The following SYN3 variants were observed in gnomAD, a reference collection of about 807,000 sequenced individuals.
SYN3 encodes the protein synapsin-3.
Under a neutral mutation model 65.8 loss-of-function variants are expected in SYN3, and 35 were observed. The ratio of observed to expected loss-of-function variants is 0.53; its 90% CI spans 0.41 to 0.70. The LOEUF is 0.70. Among genes scored for constraint, SYN3 ranks in the 30% least tolerant of loss-of-function variants. The pLI is 0.00. For synonymous variants in SYN3, 270 were observed against 292.9 expected, an observed-to-expected ratio of 0.92 and a Z score of 0.80; for missense variants, 680 against 749.0, an observed-to-expected ratio of 0.91 and a Z score of 1.08.
intron 6 of SYN3, among the ~76,000 whole-genome samples, chr22:32,645,598 G>T (rs1294453114): frequency 1.3e-5 from 2 of 152,186 alleles, no homozygotes; most frequent in Admixed American, 1.3e-4. Flanking sequence ...TTTCTGAAAC[G>T]TTAATTGGTA....
intron 6 of SYN3, among the ~76,000 whole-genome samples, chr22:32,770,420 C>G (rs2145769922): frequency 6.6e-6 from 1 of 152,270 alleles, no homozygotes; most frequent in South Asian, 2.1e-4. Context: ...CCTGTGTGAT[C>G]TGCTCTTCCC....
chr22:33,056,516 C>T (rs1421028689), intron 1 of SYN3, among the ~76,000 whole-genome samples: 1 of 152,184 alleles, frequency 6.6e-6, no homozygotes. Context: ...CAGCCTGCAC[C>T]CACTGGCTGA....
intron 6 of SYN3, among the ~76,000 whole-genome samples, chr22:32,671,578 TGC>T (rs2060366060): frequency 2.0e-5 from 2 of 99,224 alleles, no homozygotes; most frequent in Non-Finnish European, 4.9e-5. Context: ...CTCAAACAAG[TGC>T]ACACACACAC....
chr22:32,960,684 C>T (rs5998670), intron 3 of SYN3, among the ~76,000 whole-genome samples: 11 of 152,368 alleles, frequency 7.2e-5, no homozygotes, highest in African/African-American at 2.6e-4. Flanking sequence ...GGACTTTCGA[C>T]AGGTGTCAGG....
intron 6 of SYN3, among the ~76,000 whole-genome samples, chr22:32,649,807 G>A (rs543106145): frequency 1.3e-5 from 2 of 152,288 alleles, no homozygotes; most frequent in South Asian, 2.1e-4. Context: ...GGGACAGGGC[G>A]GTAACATTAG....
At chr22:32,670,100 G>T (rs2147058241) in intron 6 of SYN3, among the ~76,000 whole-genome samples, 1 of 152,182 alleles carries the variant, frequency 6.6e-6, no homozygotes, top group Middle Eastern at 3.4e-3. Flanking sequence ...ATATTATTTT[G>T]GGCCTCTGTT....
intron 7 of SYN3, among the ~76,000 whole-genome samples, chr22:32,547,594 CAT>C (rs1229322828): frequency 2.6e-5 from 4 of 152,044 alleles, no homozygotes; most frequent in Middle Eastern, 3.4e-3. Flanking sequence ...TGTGTGCACA[CAT>C]GTGTGTATGT....
chr22:32,835,058 C>T (rs994076512), intron 6 of SYN3, among the ~76,000 whole-genome samples: 1 of 152,176 alleles, frequency 6.6e-6, no homozygotes, highest in African/African-American at 2.4e-5. Context: ...TTGCCTGGAC[C>T]ATCCTTCTTT....
chr22:32,729,189 CTCTCATTCTAGGTCACCA>C (rs1238950847), intron 6 of SYN3, among the ~76,000 whole-genome samples: 1 of 152,226 alleles, frequency 6.6e-6, no homozygotes, highest in Non-Finnish European at 1.5e-5. Flanking sequence ...GAACAGGGAC[CTCTCATTCTAGGTCACCA>C]TCCTCTTTCC....
chr22:32,765,938 T>TCC (rs1410751777), intron 6 of SYN3, among the ~76,000 whole-genome samples: 1 of 152,168 alleles, frequency 6.6e-6, no homozygotes, highest in African/African-American at 2.4e-5. Flanking sequence ...GAGATTCCAG[T>TCC]CCTGTAAACC....
chr22:32,639,798 T>C (rs973707224), intron 6 of SYN3, among the ~76,000 whole-genome samples: 3 of 152,098 alleles, frequency 2.0e-5, no homozygotes, highest in African/African-American at 7.2e-5. Context: ...CCTCCCACCT[T>C]GGCCTCCCAA....
chr22:32,926,487 C>A (rs1170329087), intron 4 of SYN3, among the ~76,000 whole-genome samples: 1 of 152,124 alleles, frequency 6.6e-6, no homozygotes, highest in Non-Finnish European at 1.5e-5. Flanking sequence ...GAATCTTTAT[C>A]ATAATAAATT....
rs538070544 is a variant in SYN3 at position 32,812,784 on chromosome 22, C to CG, written c.711+52130dup. On this transcript the variant is annotated intron_variant, in intron 6 of 13. Coordinates refer to ENST00000358763, the MANE Select transcript of SYN3 (RefSeq NM_003490.4). ...GGGTATTTGGAAGACTTAGATCAAA[C>CG]GTGTGCCCCATTGGGCAGTCACTAT... Among the ~76,000 whole-genome samples the CG allele has an allele frequency of 3.9e-4, 60 of 152,302 alleles. 1 individual carries two copies. The South Asian group carries it at 6.2e-3, about 16-fold the overall frequency.
chr22:32,658,666 G>A (rs911853667), intron 6 of SYN3, among the ~76,000 whole-genome samples: 1 of 152,152 alleles, frequency 6.6e-6, no homozygotes, highest in African/African-American at 2.4e-5. Context: ...AAGGATGTTC[G>A]TGGTGACAAT....
intron 3 of SYN3, among the ~76,000 whole-genome samples, chr22:32,932,599 A>G (rs935900861): frequency 6.6e-6 from 1 of 152,286 alleles, no homozygotes; most frequent in East Asian, 1.9e-4. Flanking sequence ...TTTATGTGCC[A>G]GCTACAGACC....
At chr22:32,721,693 A>G (rs1256256382) in intron 6 of SYN3, among the ~76,000 whole-genome samples, 2 of 152,182 alleles carry the variant, frequency 1.3e-5, no homozygotes, top group Non-Finnish European at 1.5e-5. Flanking sequence ...AGCTGTGAAA[A>G]CATGCACTTT....
chr22:32,627,782 A>G (rs1489286774), intron 6 of SYN3, among the ~76,000 whole-genome samples: 1 of 152,060 alleles, frequency 6.6e-6, no homozygotes, highest in Non-Finnish European at 1.5e-5. Context: ...CTCCTTGAAG[A>G]AGCTCCACCT....
chr22:32,627,729 AAC>A (rs56793697), intron 6 of SYN3, among the ~76,000 whole-genome samples: 15,507 of 151,504 alleles, frequency 0.1, 1,924 homozygotes, highest in African/African-American at 0.3. Flanking sequence ...ATCCAGACTG[AAC>A]ACACACACAC....
At chr22:32,649,613 A>G (rs1481339588) in intron 6 of SYN3, among the ~76,000 whole-genome samples, 3 of 152,138 alleles carry the variant, frequency 2.0e-5, no homozygotes, top group Admixed American at 2.0e-4. Context: ...TGGGAGGCGG[A>G]ACACAACAAA....
Sources: gnomAD v4.1 joint callset for allele counts (sites outside exome capture counted in the v4.1 genomes callset) on GRCh38, gnomAD v4.1.1 for gene constraint, MANE v1.5 for transcripts, NCBI Gene and HGNC (gene_info 2026-07-23, HGNC 2026-07-21) for gene names.